Variants in RIPOR2 observed in about 807,000 individuals in gnomAD.
RIPOR2 encodes the protein RHO family interacting cell polarization regulator 2.
A neutral mutation model predicts 114.5 loss-of-function variants in RIPOR2; 39 were observed. That is an observed-to-expected ratio of 0.34 (90% CI 0.26 to 0.44). The LOEUF (loss-of-function observed/expected upper bound fraction) is 0.44, where lower values mean the gene tolerates loss of function less well. RIPOR2 is among the 20% of genes least tolerant of loss of function. The probability of loss-of-function intolerance (pLI) is 1.00; values close to 1 mark genes in which losing one functional copy is unlikely to be tolerated. For synonymous variants in RIPOR2, 445 were observed against 484.4 expected (o/e 0.92, Z 1.07); for missense variants, 1,007 against 1,255.1 (o/e 0.80, Z 2.99).
In RIPOR2 at chr6:24,821,158, C is replaced by A. The variant is rs1280281641; in HGVS notation, c.2869-2533G>T. 2.0e-5 allele frequency among the ~76,000 whole-genome samples: 3 copies of A among 150,896 alleles called. No homozygotes were observed. The East Asian group carries it at 5.8e-4, about 29-fold the overall frequency. On this transcript the variant is annotated intron_variant, in intron 19 of 21. Transcript: ENST00000643898. ...AAAGTTCTGGGATTACAGGCGTGAG[C>A]CACCGCGCCCAGCCAGTTTAACACT...
At chr6:25,001,936 CT>C (rs1775340973) in intron 1 of RIPOR2, among the ~76,000 whole-genome samples, 1 of 151,928 alleles carries the variant, frequency 6.6e-6, no homozygotes, top group Non-Finnish European at 1.5e-5. Context: ...CCTCGATCTC[CT>C]GACCTTGTGA....
chr6:24,974,875 G>T (rs190595724), intron 1 of RIPOR2, among the ~76,000 whole-genome samples: 29 of 152,276 alleles, frequency 1.9e-4, no homozygotes, highest in African/African-American at 7.0e-4. Flanking sequence ...TATGCTAAGT[G>T]AAAGAAGCCA....
At chr6:24,879,898 C>G (rs1162150589) in intron 1 of RIPOR2, among the ~76,000 whole-genome samples, 1 of 152,224 alleles carries the variant, frequency 6.6e-6, no homozygotes, top group Non-Finnish European at 1.5e-5. Context: ...TTCAGAAAAA[C>G]TACCTCTAAA....
At chr6:24,824,549 G>T (rs964824607) in intron 19 of RIPOR2, among the ~76,000 whole-genome samples, 1 of 152,182 alleles carries the variant, frequency 6.6e-6, no homozygotes, top group Non-Finnish European at 1.5e-5. Context: ...AATTCCTCTT[G>T]TATGAGCCAA....
chr6:24,820,827 C>T (rs1449022133), intron 19 of RIPOR2, among the ~76,000 whole-genome samples: 1 of 146,216 alleles, frequency 6.8e-6, no homozygotes, highest in African/African-American at 2.5e-5. Flanking sequence ...CTATGAACAT[C>T]TGTGTACAAG....
intron 19 of RIPOR2, among the ~76,000 whole-genome samples, chr6:24,819,662 ATTTTTT>A (rs35638159): frequency 9.7e-6 from 1 of 103,308 alleles, no homozygotes; most frequent in Non-Finnish European, 2.0e-5. Flanking sequence ...CGCCCAGCTA[ATTTTTT>A]TTTTTTTTTT....
intron 8 of RIPOR2, among the ~76,000 whole-genome samples, chr6:24,859,875 C>A (rs1434682969): frequency 6.6e-6 from 1 of 152,170 alleles, no homozygotes; most frequent in East Asian, 1.9e-4. Flanking sequence ...CCATTAGCAA[C>A]CCAGGGATCA....
intron 14 of RIPOR2, 59 bp downstream of exon 14, chr6:24,839,032 A>G: frequency 3.7e-6 from 5 of 1,368,984 alleles, no homozygotes; most frequent in Non-Finnish European, 5.0e-6. Context: ...ACAGTAACAA[A>G]GAACTACTGT....
At position 24,862,347 on chromosome 6, in the gene RIPOR2, G is replaced by A. The variant is rs540313295; in HGVS notation, c.652-1311C>T. Among the ~76,000 whole-genome samples the A allele has an allele frequency of 3.9e-5, 6 of 152,326 alleles. No individual in the cohort carries two copies. The East Asian group carries it at 1.2e-3, about 29-fold the overall frequency. On this transcript the variant is annotated intron_variant, in intron 7 of 21. Coordinates refer to ENST00000643898, the MANE Select transcript of RIPOR2 (RefSeq NM_001286445.3). Reference sequence around the variant, plus strand: ...CTCCCACAAGGCTAGGGGTTCGAGGGTGGCCTCACTGACAAAAGCATGGCC... The same window carrying A: ...CTCCCACAAGGCTAGGGGTTCGAGGATGGCCTCACTGACAAAAGCATGGCC...
At chr6:24,949,926 A>G (rs929328621) in intron 1 of RIPOR2, among the ~76,000 whole-genome samples, 3 of 152,184 alleles carry the variant, frequency 2.0e-5, no homozygotes, top group African/African-American at 7.2e-5. Context: ...CAAATAGGAG[A>G]GTTGTTAAGT....
At chr6:24,877,504 A>T (rs1765917367) in intron 1 of RIPOR2, 1 of 210,372 alleles carries the variant, frequency 4.8e-6, no homozygotes, top group Non-Finnish European at 8.2e-6. Context: ...AGAAGTACGT[A>T]TGAGCAGTAA....
intron 1 of RIPOR2, among the ~76,000 whole-genome samples, chr6:25,006,044 A>T (rs1165397219): frequency 6.6e-6 from 1 of 152,190 alleles, no homozygotes; most frequent in Non-Finnish European, 1.5e-5. Context: ...ATTTCTGTTA[A>T]ACAGGCATGA....
At chr6:24,902,581 A>T (rs1214834993) in intron 1 of RIPOR2, among the ~76,000 whole-genome samples, 2 of 152,144 alleles carry the variant, frequency 1.3e-5, no homozygotes, top group African/African-American at 4.8e-5. Flanking sequence ...TCCTGAAGTA[A>T]GGTTTGCACT....
At chr6:24,845,773 G>C (rs1250256851) in intron 12 of RIPOR2, among the ~76,000 whole-genome samples, 1 of 152,182 alleles carries the variant, frequency 6.6e-6, no homozygotes. Context: ...TGAGGGAGTG[G>C]CTGCTGCCTG....
At chr6:24,809,662 C>T (rs545920213) in intron 21 of RIPOR2, 55 bp downstream of exon 21, 117 of 1,178,898 alleles carry the variant, frequency 9.9e-5, no homozygotes, top group Middle Eastern at 7.6e-4. Flanking sequence ...ATGGGAACAT[C>T]CGTTAGAGAG....
chr6:24,843,435 G>A lies in RIPOR2; in HGVS notation c.1284C>T (p.Gly428=), dbSNP rs1277373301. Reference sequence around the variant, plus strand: ...CTGGATTTGTTGAGTTGGAAGGGGAGCCTGTTGAGTGGGAGGTGAGGGCGC... The same window carrying A: ...CTGGATTTGTTGAGTTGGAAGGGGAACCTGTTGAGTGGGAGGTGAGGGCGC... ...GDCALTSHST[G]SPSNSTNPEI... is the part of the protein sequence containing the mutation. Residue 428 remains glycine (G), a synonymous_variant, in exon 13 of 22, where the codon GGC becomes GGT. Coordinates refer to ENST00000643898, the MANE Select transcript of RIPOR2 (RefSeq NM_001286445.3). 5 of 1,612,700 alleles carry A rather than the reference G, an allele frequency of 3.1e-6. No individual in the cohort carries two copies. The South Asian group carries it at 4.4e-5, about 14-fold the overall frequency.
At chr6:24,842,407 C>T (rs984997911) in intron 13 of RIPOR2, among the ~76,000 whole-genome samples, 1 of 152,192 alleles carries the variant, frequency 6.6e-6, no homozygotes, top group South Asian at 2.1e-4. Context: ...GTTATTTGGA[C>T]CAATTGTGAG....
chr6:25,000,338 G>A (rs915129464), intron 1 of RIPOR2, among the ~76,000 whole-genome samples: 1 of 152,134 alleles, frequency 6.6e-6, no homozygotes, highest in Non-Finnish European at 1.5e-5. Flanking sequence ...TCCAATGTAA[G>A]AGTTCACCCA....
intron 1 of RIPOR2, among the ~76,000 whole-genome samples, chr6:25,035,039 G>C (rs1382079050): frequency 6.6e-6 from 1 of 152,196 alleles, no homozygotes; most frequent in African/African-American, 2.4e-5. Flanking sequence ...GTAACAACAT[G>C]TTTGAAGGTA....
Sources: allele counts gnomAD v4.1 joint callset (sites outside exome capture counted in the v4.1 genomes callset), GRCh38; gene constraint gnomAD v4.1.1; transcripts MANE v1.5; gene names NCBI Gene and HGNC (gene_info 2026-07-23, HGNC 2026-07-21).